CPNE2: variants seen among roughly 807,000 people sequenced by gnomAD.
The protein encoded by CPNE2 is copine-2.
CPNE2 carries 42 observed loss-of-function variants against 69.7 expected under a neutral mutation model. The ratio of observed to expected loss-of-function variants is 0.60; its 90% CI spans 0.47 to 0.78. The LOEUF (loss-of-function observed/expected upper bound fraction) is 0.78, where lower values mean the gene tolerates loss of function less well. Ranked by LOEUF, CPNE2 falls within the 30% of genes least tolerant of loss-of-function variation. The pLI, the probability that CPNE2 is intolerant of heterozygous loss-of-function variation, is 0.00. For missense variants in CPNE2, 587 were observed against 732.0 expected (o/e 0.80, Z 2.29); for synonymous variants, 294 against 289.8 (o/e 1.01, Z -0.15).
intron 1 of CPNE2, among the ~76,000 whole-genome samples, chr16:57,094,515 C>T (rs1023882168): frequency 1.3e-5 from 2 of 152,194 alleles, no homozygotes; most frequent in Non-Finnish European, 2.9e-5. Context: ...TGGACCCCAT[C>T]TGGTCCTCCT....
chr16:57,097,282 C>T (rs907414837), intron 1 of CPNE2, among the ~76,000 whole-genome samples: 24 of 152,196 alleles, frequency 1.6e-4, no homozygotes, highest in African/African-American at 3.4e-4. Context: ...AACTCCATCC[C>T]GAACTCCTAT....
chr16:57,122,038 C>A (rs895430814), intron 9 of CPNE2, among the ~76,000 whole-genome samples: 5 of 152,354 alleles, frequency 3.3e-5, no homozygotes, highest in African/African-American at 1.2e-4. Context: ...CAGGGCCTGT[C>A]CTGGTGGGAG....
At chr16:57,118,117 C>A (rs1411172572) in intron 5 of CPNE2, among the ~76,000 whole-genome samples, 1 of 151,984 alleles carries the variant, frequency 6.6e-6, no homozygotes, top group African/African-American at 2.4e-5. Flanking sequence ...AATTTCCCAC[C>A]CCCTCCTTCT....
At chr16:57,096,269 T>C (rs2069577589) in intron 1 of CPNE2, among the ~76,000 whole-genome samples, 1 of 152,200 alleles carries the variant, frequency 6.6e-6, no homozygotes, top group Non-Finnish European at 1.5e-5. Flanking sequence ...TGTGAGAGAA[T>C]CTAAGCCATC....
chr16:57,122,489 A>T (rs914246075), intron 9 of CPNE2, among the ~76,000 whole-genome samples: 6 of 152,236 alleles, frequency 3.9e-5, no homozygotes. Flanking sequence ...CTTGTGATGG[A>T]TGGTCCTTGT....
intron 1 of CPNE2, among the ~76,000 whole-genome samples, chr16:57,107,081 T>C (rs1008332171): frequency 1.6e-4 from 25 of 152,188 alleles, no homozygotes; most frequent in African/African-American, 5.5e-4. Flanking sequence ...TGGGGGCAAT[T>C]GTCCTGCAGG....
intron 1 of CPNE2, among the ~76,000 whole-genome samples, chr16:57,104,545 A>C (rs879855054): frequency 1.3e-5 from 2 of 152,136 alleles, no homozygotes; most frequent in South Asian, 2.1e-4. Context: ...GGGGCTGCTG[A>C]TGATGGAGCC....
intron 12 of CPNE2, among the ~76,000 whole-genome samples, chr16:57,133,485 C>G (rs2069853299): frequency 6.6e-6 from 1 of 152,192 alleles, no homozygotes; most frequent in South Asian, 2.1e-4. Context: ...GCTCTGGTGC[C>G]TGGCTTCCCT....
Position 57,115,534 on chromosome 16 carries a change from G to C in CPNE2, c.419G>C (p.Gly140Ala), listed in dbSNP as rs773630857. The C allele has an allele frequency of 6.2e-7, 1 of 1,611,834 alleles. No homozygotes were observed. Among genetic ancestry groups the C allele is most frequent in the Non-Finnish European group, 8.5e-7 (1 of 1,178,852 alleles). ...CTGCTGCTGAATGACAAGCCTGCGG[G>C]GAAGGGCTTGATTACGGTACCAGTC... ...PLLLLNDKPA[G>A]KGLITIAAQE... Residue 140 changes from glycine to alanine, a missense_variant, in exon 4 of 16, where the codon GGG (glycine) becomes GCG (alanine). Physicochemically the swap from Gly to Ala is moderately conservative, Grantham distance 60. This residue lies in a region of CPNE2 where 269 missense variants were observed against 300.5 expected (regional missense o/e 0.90). Transcript: ENST00000290776.
chr16:57,120,436 T>G (rs2069753269), intron 7 of CPNE2, among the ~76,000 whole-genome samples: 1 of 94,136 alleles, frequency 1.1e-5, no homozygotes, highest in Non-Finnish European at 2.3e-5. Flanking sequence ...GTAGAGACCG[T>G]CTCAAAAAAA....
chr16:57,137,532 C>A (rs1427283277), intron 14 of CPNE2, among the ~76,000 whole-genome samples: 3 of 152,172 alleles, frequency 2.0e-5, no homozygotes, highest in Admixed American at 2.0e-4. Context: ...GGAGATGTCT[C>A]CCCAGGGCGA....
intron 11 of CPNE2, 145 bp downstream of exon 11, chr16:57,126,138 A>G: frequency 9.5e-7 from 1 of 1,056,784 alleles, no homozygotes; most frequent in Admixed American, 2.6e-5. Flanking sequence ...ACCCATTCCC[A>G]TACCCTTGGC....
rs2069887527 is a variant in CPNE2, at chr16:57,137,149, G to C, written c.1169G>C (p.Gly390Ala). The change falls in exon 14 of 16, where the codon GGT becomes GCT. Residue 390 changes from glycine (G) to alanine (A), a missense_variant and splice_region_variant. Physicochemically the swap from Gly to Ala is moderately conservative, Grantham distance 60. Coordinates refer to ENST00000290776, the MANE Select transcript of CPNE2 (RefSeq NM_152727.6). Reference protein sequence around the residue: ...NFNPTNPFCSGVDGIAQAYSA... With the variant: ...NFNPTNPFCSAVDGIAQAYSA... ...GATCCAGACTCTTCTCCCGAGGCAGGTGTGGATGGTATTGCCCAGGCGTAC... is the reference window on the plus strand; with the variant it reads ...GATCCAGACTCTTCTCCCGAGGCAGCTGTGGATGGTATTGCCCAGGCGTAC... 1 of 1,613,968 alleles carries C rather than the reference G, an allele frequency of 6.2e-7. No individual in the cohort carries two copies. Among genetic ancestry groups the C allele is most frequent in the African/African-American group, 1.3e-5 (1 of 74,948 alleles).
intron 2 of CPNE2, among the ~76,000 whole-genome samples, chr16:57,112,258 T>C (rs1481430991): frequency 6.6e-6 from 1 of 152,094 alleles, no homozygotes; most frequent in East Asian, 1.9e-4. Context: ...ATGGTACAAC[T>C]GTAAGTGGGA....
At chr16:57,132,118 G>A (rs909150274) in intron 12 of CPNE2, among the ~76,000 whole-genome samples, 2 of 152,212 alleles carry the variant, frequency 1.3e-5, no homozygotes, top group Non-Finnish European at 2.9e-5. Context: ...TGAGCAAACA[G>A]AGGGGTCGGT....
At chr16:57,102,935 T>C (rs2069624325) in intron 1 of CPNE2, among the ~76,000 whole-genome samples, 1 of 152,008 alleles carries the variant, frequency 6.6e-6, no homozygotes, top group Non-Finnish European at 1.5e-5. Context: ...CCCCTTTATG[T>C]AAACTGTTAA....
In CPNE2 at chr16:57,119,767, C is replaced by T. The variant is rs2069747947; in HGVS notation, c.681+117C>T. The T allele has an allele frequency of 6.1e-6, 4 of 660,996 alleles. No individual in the cohort carries two copies. In the East Asian group the frequency reaches 8.6e-5, roughly 14 times the overall value. The allele number at this position is 660,996 out of a possible 1,614,324, so 40.9% of individuals were successfully genotyped here. A position where few individuals can be genotyped will look rare whatever the true frequency, so the allele number is the denominator to read the frequency against. On this transcript the variant is annotated intron_variant, in intron 7 of 15. Coordinates refer to ENST00000290776, the MANE Select transcript of CPNE2 (RefSeq NM_152727.6). ...TTTCTCATACAAGTGGAACGAACCC[C>T]CATCTTTGGAGGAGGGAGGACTGGA...
intron 14 of CPNE2, among the ~76,000 whole-genome samples, chr16:57,139,272 G>C (rs1249935807): frequency 6.6e-6 from 1 of 152,002 alleles, no homozygotes; most frequent in Non-Finnish European, 1.5e-5. Context: ...TCTGTTCCTG[G>C]GTGCAATGGC....
intron 14 of CPNE2, among the ~76,000 whole-genome samples, chr16:57,139,426 A>G (rs1240074933): frequency 6.6e-6 from 1 of 152,218 alleles, no homozygotes; most frequent in Non-Finnish European, 1.5e-5. Context: ...TTGGAGCCAG[A>G]GGCTGCATGA....
Sources: allele counts gnomAD v4.1 joint callset (sites outside exome capture counted in the v4.1 genomes callset), GRCh38; gene constraint gnomAD v4.1.1; regional missense constraint gnomAD v4.1.1; transcripts MANE v1.5; gene names NCBI Gene and HGNC (gene_info 2026-07-23, HGNC 2026-07-21).